Variants in SIPA1L1 observed in about 807,000 individuals in gnomAD.
The protein encoded by SIPA1L1 is signal induced proliferation associated 1 like 1.
In SIPA1L1, 26 loss-of-function variants were observed where a neutral mutation model predicts 162.7. The ratio of observed to expected loss-of-function variants is 0.16; its 90% CI spans 0.12 to 0.22. The LOEUF is 0.22. SIPA1L1 is among the 10% of genes least tolerant of loss of function. SIPA1L1 has a pLI of 1.00. For synonymous variants in SIPA1L1, 829 were observed against 837.4 expected (o/e 0.99, Z 0.17); for missense variants, 1,874 against 2,241.0 (o/e 0.84, Z 3.31).
rs188391160 is a variant in SIPA1L1, at chr14:71,439,078, G to A, written c.-464-73665G>A. Among the ~76,000 whole-genome samples the A allele has an allele frequency of 5.9e-5, 9 of 152,264 alleles. No homozygotes were observed. In the East Asian group the frequency reaches 1.4e-3, roughly 23 times the overall value. On this transcript the variant is annotated intron_variant, in intron 2 of 23. Coordinates refer to ENST00000381232, the MANE Select transcript of SIPA1L1 (RefSeq NM_001386936.1). ...AAGAGCTCACCTGTGGTACCCTGAG[G>A]AGGAGTTGAGCTGTCATCACTCTAA...
intron 12 of SIPA1L1, among the ~76,000 whole-genome samples, chr14:71,676,436 T>C (rs2045190723): frequency 6.6e-6 from 1 of 151,522 alleles, no homozygotes; most frequent in Non-Finnish European, 1.5e-5. Flanking sequence ...TAGCAAACTT[T>C]CTGAGCCCCT....
At chr14:71,445,324 C>CT (rs770725173) in intron 2 of SIPA1L1, among the ~76,000 whole-genome samples, 17 of 152,068 alleles carry the variant, frequency 1.1e-4, no homozygotes, top group African/African-American at 3.9e-4. Flanking sequence ...TCAGAATTCA[C>CT]TTTTTTTGTC....
At chr14:71,714,581 CTCTCT>C (rs1436490122) in intron 17 of SIPA1L1, among the ~76,000 whole-genome samples, 1 of 82,152 alleles carries the variant, frequency 1.2e-5, no homozygotes, top group Non-Finnish European at 2.0e-5. Flanking sequence ...CACAGCTTTT[CTCTCT>C]TTTTTTTTTT....
chr14:71,511,686 T>A (rs1167048604), intron 2 of SIPA1L1, among the ~76,000 whole-genome samples: 2 of 152,180 alleles, frequency 1.3e-5, no homozygotes, highest in East Asian at 3.9e-4. Context: ...GAGTGTCTTT[T>A]TGTATATTAA....
At chr14:71,566,910 C>T (rs2030732808) in intron 4 of SIPA1L1, among the ~76,000 whole-genome samples, 1 of 151,896 alleles carries the variant, frequency 6.6e-6, no homozygotes, top group African/African-American at 2.4e-5. Context: ...TAAAGTCAGA[C>T]GTATATGTCT....
At chr14:71,470,028 T>C (rs1247919410) in intron 2 of SIPA1L1, among the ~76,000 whole-genome samples, 2 of 152,164 alleles carry the variant, frequency 1.3e-5, no homozygotes, top group African/African-American at 2.4e-5. Flanking sequence ...ACCCTTTACC[T>C]GTGTCAAGGG....
At chr14:71,328,733 A>G (rs2034134710) in intron 2 of SIPA1L1, among the ~76,000 whole-genome samples, 1 of 152,230 alleles carries the variant, frequency 6.6e-6, no homozygotes, top group Non-Finnish European at 1.5e-5. Flanking sequence ...GAGATGGGAC[A>G]TGTACATGCA....
intron 3 of SIPA1L1, among the ~76,000 whole-genome samples, chr14:71,522,990 G>T (rs969799522): frequency 1.3e-5 from 2 of 152,030 alleles, no homozygotes; most frequent in African/African-American, 2.4e-5. Context: ...CTCTTTTAAG[G>T]TTTGCATTTT....
At chr14:71,674,064 T>A (rs2044816959) in intron 12 of SIPA1L1, among the ~76,000 whole-genome samples, 1 of 152,262 alleles carries the variant, frequency 6.6e-6, no homozygotes, top group Non-Finnish European at 1.5e-5. Context: ...TTATTGCTTC[T>A]GAACAGACAA....
chr14:71,658,290 T>C (rs1349486293), intron 8 of SIPA1L1, 43 bp from the exon 9 acceptor site: 1 of 923,618 alleles, frequency 1.1e-6, no homozygotes, highest in Non-Finnish European at 1.7e-6. Flanking sequence ...AAATTATTTT[T>C]CCTGTTATAG....
At chr14:71,400,182 A>G (rs1297112796) in intron 2 of SIPA1L1, among the ~76,000 whole-genome samples, 1 of 152,070 alleles carries the variant, frequency 6.6e-6, no homozygotes, top group Non-Finnish European at 1.5e-5. Context: ...TCTTCTTGTC[A>G]TCTTAATACC....
intron 2 of SIPA1L1, among the ~76,000 whole-genome samples, chr14:71,409,167 C>T (rs1285787681): frequency 6.6e-6 from 1 of 152,128 alleles, no homozygotes; most frequent in Non-Finnish European, 1.5e-5. Context: ...CCCATTTGGG[C>T]TCTGTAAAAA....
intron 2 of SIPA1L1, among the ~76,000 whole-genome samples, chr14:71,369,732 A>G (rs1326851588): frequency 1.5e-5 from 2 of 129,638 alleles, no homozygotes; most frequent in Non-Finnish European, 3.3e-5. Flanking sequence ...GATGGCATTG[A>G]ATCTGTAAAT....
intron 4 of SIPA1L1, among the ~76,000 whole-genome samples, chr14:71,546,562 A>T (rs2055227069): frequency 6.6e-6 from 1 of 151,670 alleles, no homozygotes; most frequent in South Asian, 2.1e-4. Context: ...TTGCATTTTT[A>T]GTAGAGATGG....
chr14:71,629,855 T>G (rs2040397153), intron 7 of SIPA1L1, among the ~76,000 whole-genome samples: 1 of 152,232 alleles, frequency 6.6e-6, no homozygotes, highest in Non-Finnish European at 1.5e-5. Context: ...CAAGAATGGA[T>G]ATAAGGAAAT....
chr14:71,340,417 A>G (rs1180342172), intron 2 of SIPA1L1, among the ~76,000 whole-genome samples: 1 of 152,056 alleles, frequency 6.6e-6, no homozygotes, highest in Non-Finnish European at 1.5e-5. Flanking sequence ...CAGTGAATTC[A>G]TTCTGTGTTA....
chr14:71,658,555 G>A (rs962798222), intron 9 of SIPA1L1, 119 bp downstream of exon 9: 1 of 707,440 alleles, frequency 1.4e-6, no homozygotes, highest in Non-Finnish European at 2.5e-6. Context: ...ACAGCAGCGG[G>A]AAGCTTTGTG....
At chr14:71,466,591 A>C (rs1229311224) in intron 2 of SIPA1L1, among the ~76,000 whole-genome samples, 1 of 152,158 alleles carries the variant, frequency 6.6e-6, no homozygotes, top group South Asian at 2.1e-4. Flanking sequence ...AAAAAAAAAA[A>C]AAAAACAGTA....
intron 3 of SIPA1L1, among the ~76,000 whole-genome samples, chr14:71,520,429 T>C (rs1428491167): frequency 1.2e-4 from 19 of 152,186 alleles, no homozygotes; most frequent in Admixed American, 1.2e-3. Context: ...TGAAGTATGA[T>C]ATACACACAG....
Sources: allele counts gnomAD v4.1 joint callset (sites outside exome capture counted in the v4.1 genomes callset), GRCh38; gene constraint gnomAD v4.1.1; transcripts MANE v1.5; gene names NCBI Gene and HGNC (gene_info 2026-07-23, HGNC 2026-07-21).